Variants in MFHAS1 observed in about 807,000 individuals in gnomAD.
MFHAS1 encodes the protein multifunctional ROCO family signaling regulator 1.
MFHAS1 carries 50 observed loss-of-function variants against 70.4 expected under a neutral mutation model. That is an observed-to-expected ratio of 0.71 (90% CI 0.57 to 0.90). The LOEUF (loss-of-function observed/expected upper bound fraction) is 0.90. MFHAS1 is among the 40% of genes least tolerant of loss of function. The probability of loss-of-function intolerance (pLI) is 0.00; values close to 1 mark genes in which losing one functional copy is unlikely to be tolerated. For missense variants in MFHAS1, 1,795 were observed against 1,347.6 expected, an observed-to-expected ratio of 1.33 and a Z score of -5.20; for synonymous variants, 952 against 620.0, an observed-to-expected ratio of 1.54 and a Z score of -7.96.
At chr8:8,797,675 A>G (rs530373736) in intron 1 of MFHAS1, among the ~76,000 whole-genome samples, 184 bp from the exon 2 acceptor site, 1 of 152,312 alleles carries the variant, frequency 6.6e-6, no homozygotes, top group South Asian at 2.1e-4. Flanking sequence ...TCCAGCGCCT[A>G]AATCCTCCTC....
intron 1 of MFHAS1, among the ~76,000 whole-genome samples, chr8:8,828,760 A>T (rs890371794): frequency 1.3e-5 from 2 of 152,212 alleles, no homozygotes. Context: ...CGGCGTGCAT[A>T]GCCTGGAAAG....
chr8:8,872,639 A>T, intron 1 of MFHAS1, among the ~76,000 whole-genome samples: 1 of 152,170 alleles, frequency 6.6e-6, no homozygotes, highest in South Asian at 2.1e-4. Context: ...AGCATTCAAG[A>T]AGTGTCTGGG....
intron 2 of MFHAS1, among the ~76,000 whole-genome samples, chr8:8,790,116 T>C (rs1332170565): frequency 1.3e-5 from 2 of 152,200 alleles, no homozygotes; most frequent in Non-Finnish European, 2.9e-5. Context: ...CTATGCAATA[T>C]CATAGTAAAT....
intron 1 of MFHAS1, among the ~76,000 whole-genome samples, chr8:8,859,013 C>T (rs1448320894): frequency 6.6e-6 from 1 of 152,196 alleles, no homozygotes; most frequent in Non-Finnish European, 1.5e-5. Context: ...TACACACACA[C>T]ATAAAGATTC....
Position 8,893,071 on chromosome 8 carries a change from G to C in MFHAS1, c.-13C>G. 6.8e-7 allele frequency: 1 copy of C among 1,472,702 alleles called. No homozygotes were observed. The highest frequency in any genetic ancestry group is 2.9e-5 in the East Asian group (1 of 34,296). 91.2% of individuals were successfully genotyped at this position (1,472,702 alleles called of 1,614,324 possible). ...CCATCCCAGCCATGGCGGGGCCCCG[G>C]GCCGACAGCCTCACGCGGACGCGGG... On this transcript the variant is annotated 5_prime_UTR_variant, in exon 1 of 3. Coordinates refer to ENST00000276282, the MANE Select transcript of MFHAS1 (RefSeq NM_004225.3).
chr8:8,856,850 T>G (rs945843348), intron 1 of MFHAS1, among the ~76,000 whole-genome samples: 5 of 152,010 alleles, frequency 3.3e-5, no homozygotes, highest in African/African-American at 7.3e-5. Flanking sequence ...CGGGAAACCT[T>G]GCAGCCACAG....
At chr8:8,847,348 A>G (rs111799064) in intron 1 of MFHAS1, among the ~76,000 whole-genome samples, 3 of 152,046 alleles carry the variant, frequency 2.0e-5, no homozygotes, top group African/African-American at 7.3e-5. Flanking sequence ...CACCCAGCTA[A>G]TTTTTGTATT....
chr8:8,844,195 CA>C (rs1807943647), intron 1 of MFHAS1, among the ~76,000 whole-genome samples: 1 of 152,188 alleles, frequency 6.6e-6, no homozygotes, highest in South Asian at 2.1e-4. Flanking sequence ...TCCAAAGAAA[CA>C]GGAAAAATCA....
At chr8:8,837,027 A>T (rs1807621652) in intron 1 of MFHAS1, among the ~76,000 whole-genome samples, 1 of 152,216 alleles carries the variant, frequency 6.6e-6, no homozygotes, top group Non-Finnish European at 1.5e-5. Flanking sequence ...TACAAGCTGA[A>T]CTGGATTGGG....
intron 1 of MFHAS1, among the ~76,000 whole-genome samples, chr8:8,868,269 T>C (rs1326710967): frequency 6.6e-6 from 1 of 151,800 alleles, no homozygotes; most frequent in East Asian, 1.9e-4. Context: ...CTAGATGTTA[T>C]CTCATTTCTC....
intron 2 of MFHAS1, among the ~76,000 whole-genome samples, chr8:8,790,983 C>A (rs1805700405): frequency 6.6e-6 from 1 of 152,148 alleles, no homozygotes; most frequent in Non-Finnish European, 1.5e-5. Context: ...TGAATGGGAA[C>A]TCTACAGTAT....
At chr8:8,810,046 G>A (rs1466840355) in intron 1 of MFHAS1, among the ~76,000 whole-genome samples, 2 of 152,330 alleles carry the variant, frequency 1.3e-5, no homozygotes, top group East Asian at 3.9e-4. Context: ...GAAGTACTAA[G>A]GGGAATCATG....
At chr8:8,839,033 G>A (rs1197905138) in intron 1 of MFHAS1, among the ~76,000 whole-genome samples, 1 of 152,026 alleles carries the variant, frequency 6.6e-6, no homozygotes, top group African/African-American at 2.4e-5. Flanking sequence ...AAAGACAAAT[G>A]CTATTAAGAA....
chr8:8,887,423 G>A (rs1809802924), intron 1 of MFHAS1, among the ~76,000 whole-genome samples: 1 of 151,430 alleles, frequency 6.6e-6, no homozygotes, highest in Admixed American at 6.6e-5. Flanking sequence ...AATGTAACGA[G>A]AAATGTACTA....
chr8:8,826,033 G>A (rs1343874173), intron 1 of MFHAS1, among the ~76,000 whole-genome samples: 1 of 152,140 alleles, frequency 6.6e-6, no homozygotes, highest in Non-Finnish European at 1.5e-5. Context: ...TACCCAAGAG[G>A]TTCTGATAAT....
intron 1 of MFHAS1, among the ~76,000 whole-genome samples, chr8:8,849,633 T>C (rs1341379360): frequency 2.6e-5 from 4 of 152,200 alleles, no homozygotes; most frequent in South Asian, 2.1e-4. Flanking sequence ...TGAAAATGCA[T>C]TTTGTGTCTC....
intron 1 of MFHAS1, among the ~76,000 whole-genome samples, chr8:8,877,683 G>C (rs923745212): frequency 3.9e-5 from 6 of 152,248 alleles, no homozygotes; most frequent in African/African-American, 1.4e-4. Context: ...ACAATAACTT[G>C]ATTATGAGTC....
chr8:8,788,957 T>C (rs985903648), intron 2 of MFHAS1, among the ~76,000 whole-genome samples: 7 of 152,138 alleles, frequency 4.6e-5, no homozygotes, highest in Admixed American at 2.0e-4. Context: ...GGCCAGGAGT[T>C]TGAACTTGAG....
At chr8:8,797,598 G>A in intron 1 of MFHAS1, 107 bp from the exon 2 acceptor site, 1 of 1,261,316 alleles carries the variant, frequency 7.9e-7, no homozygotes, top group Non-Finnish European at 1.1e-6. Flanking sequence ...GAAGGGCAGA[G>A]GTGAAGCAAC....
Sources: gnomAD v4.1 joint callset for allele counts (sites outside exome capture counted in the v4.1 genomes callset) on GRCh38, gnomAD v4.1.1 for gene constraint, MANE v1.5 for transcripts, NCBI Gene and HGNC (gene_info 2026-07-23, HGNC 2026-07-21) for gene names.